Variants in TLR6 observed in about 807,000 individuals in gnomAD.
The protein encoded by TLR6 is toll-like receptor 6.
In TLR6, 9 loss-of-function variants were observed where a neutral mutation model predicts 16.1. The ratio of observed to expected loss-of-function variants is 0.56; its 90% CI spans 0.34 to 0.98. The LOEUF is 0.98. Among genes scored for constraint, TLR6 ranks in the 50% least tolerant of loss-of-function variants. The pLI, the probability that TLR6 is intolerant of heterozygous loss-of-function variation, is 0.02. For missense variants in TLR6, 786 were observed against 921.0 expected (o/e 0.85, Z 1.90); for synonymous variants, 340 against 338.6 (o/e 1.00, Z -0.04).
rs1294349185 is a variant in TLR6, at chr4:38,836,351, C to G, written c.-64-6814G>C. Among the ~76,000 whole-genome samples the G allele has an allele frequency of 2.0e-5, 3 of 151,994 alleles. No individual in the cohort carries two copies. In the East Asian group the frequency reaches 5.8e-4, roughly 29 times the overall value. ...GATCATTGGAGGCAATTATGAACACCTATATGTTAACAAATTGGAAACCCT... is the reference window on the plus strand; with the variant it reads ...GATCATTGGAGGCAATTATGAACACGTATATGTTAACAAATTGGAAACCCT... On this transcript the variant is annotated intron_variant, in intron 1 of 1. Coordinates refer to ENST00000436693, the Ensembl canonical transcript of TLR6.
exon 2 of TLR6, chr4:38,828,346 T>C: frequency 6.2e-7 from 1 of 1,613,150 alleles, no homozygotes; most frequent in Non-Finnish European, 8.5e-7. Context: ...CCAATTTAAC[T>C]AACGTGGAAC....
At chr4:38,859,591 G>A (rs140337935), upstream of TLR6, among the ~76,000 whole-genome samples, 35 of 129,518 alleles carry the variant, frequency 2.7e-4, no homozygotes, top group African/African-American at 1.0e-3. Flanking sequence ...TTGAGACAGG[G>A]TCTCGCTCTG....
intron 1 of TLR6, among the ~76,000 whole-genome samples, chr4:38,831,573 C>T (rs1711586079): frequency 6.6e-6 from 1 of 152,130 alleles, no homozygotes; most frequent in South Asian, 2.1e-4. Context: ...GTGAAAAAGA[C>T]AAACCACAGA....
chr4:38,858,833 A>AGAGAGAGAGAG (rs1713116154), upstream of TLR6, among the ~76,000 whole-genome samples: 1 of 17,662 alleles, frequency 5.7e-5, no homozygotes, highest in Non-Finnish European at 1.1e-4. Flanking sequence ...GAGAGAGAGG[A>AGAGAGAGAGAG]AGAAAGAAAG....
chr4:38,844,138 G>A (rs1712410872), intron 1 of TLR6, among the ~76,000 whole-genome samples: 2 of 152,144 alleles, frequency 1.3e-5, no homozygotes, highest in Admixed American at 6.5e-5. Context: ...GGTAAGAGCT[G>A]GACATGGGGC....
At chr4:38,834,229 A>G (rs1203876558) in intron 1 of TLR6, among the ~76,000 whole-genome samples, 1 of 150,564 alleles carries the variant, frequency 6.6e-6, no homozygotes, top group Non-Finnish European at 1.5e-5. Context: ...CAAGAGCAAA[A>G]CTCCAGCTCA....
At chr4:38,852,788 G>A (rs1712821139) in intron 1 of TLR6, among the ~76,000 whole-genome samples, 1 of 152,080 alleles carries the variant, frequency 6.6e-6, no homozygotes, top group African/African-American at 2.4e-5. Flanking sequence ...TGGTGGGACT[G>A]TAAACTAGTT....
At chr4:38,858,181 A>T (rs1296775999), upstream of TLR6, among the ~76,000 whole-genome samples, 1 of 151,820 alleles carries the variant, frequency 6.6e-6, no homozygotes, top group African/African-American at 2.4e-5. Context: ...GCAAACAAAG[A>T]AACAGACAGT....
chr4:38,852,549 C>T (rs1024376555), intron 1 of TLR6, among the ~76,000 whole-genome samples: 4 of 152,148 alleles, frequency 2.6e-5, no homozygotes, highest in Non-Finnish European at 5.9e-5. Context: ...AAATAAACAA[C>T]CCCATCAAAA....
the TLR6 span, among the ~76,000 whole-genome samples, chr4:38,867,253 G>T: frequency 6.6e-6 from 1 of 152,174 alleles, no homozygotes; most frequent in African/African-American, 2.4e-5. Flanking sequence ...ATACATATTT[G>T]CCCATTTGAC....
At chr4:38,852,980 C>T (rs1226609340) in intron 1 of TLR6, among the ~76,000 whole-genome samples, 1 of 151,866 alleles carries the variant, frequency 6.6e-6, no homozygotes, top group Non-Finnish European at 1.5e-5. Flanking sequence ...TGGAACCAAC[C>T]CAAATGTCCA....
chr4:38,833,287 G>C (rs1160650294), intron 1 of TLR6, among the ~76,000 whole-genome samples: 1 of 152,168 alleles, frequency 6.6e-6, no homozygotes, highest in Non-Finnish European at 1.5e-5. Flanking sequence ...TTTCACACAG[G>C]GGCCTGAGAA....
In TLR6 at chr4:38,828,868, A is replaced by G. The variant is rs763866465; in HGVS notation, c.606T>C (p.Val202=). Residue 202 remains valine (V), a synonymous_variant, in exon 2 of 2, where the codon GTT becomes GTC. Coordinates refer to ENST00000436693, the Ensembl canonical transcript of TLR6. Reference sequence around the variant, plus strand: ...TAGCGAATAAACTAGTTGGGTGAAAAACAAGGTGAAGGGTTTTTGCATTCA... The same window carrying G: ...TAGCGAATAAACTAGTTGGGTGAAAGACAAGGTGAAGGGTTTTTGCATTCA... The G allele has an allele frequency of 1.9e-6, 3 of 1,613,892 alleles. No homozygotes were observed. In the East Asian group the frequency reaches 6.7e-5, roughly 36 times the overall value.
intron 1 of TLR6, among the ~76,000 whole-genome samples, chr4:38,847,268 T>G (rs1039992849): frequency 6.6e-6 from 1 of 152,182 alleles, no homozygotes; most frequent in African/African-American, 2.4e-5. Context: ...GCATTCCTGT[T>G]AAAGTCAACA....
chr4:38,826,557 A>G (rs1236797176), exon 2 of TLR6: 1 of 152,792 alleles, frequency 6.5e-6, no homozygotes, highest in Non-Finnish European at 1.5e-5. Flanking sequence ...TTAATTACAT[A>G]TTTGTGTAGC....
chr4:38,830,767 G>A (rs1451385456), intron 1 of TLR6, among the ~76,000 whole-genome samples: 1 of 152,068 alleles, frequency 6.6e-6, no homozygotes, highest in Non-Finnish European at 1.5e-5. Flanking sequence ...GACAGAATTT[G>A]ATTTCTAGAG....
exon 2 of TLR6, chr4:38,827,108 G>A: frequency 6.3e-7 from 1 of 1,587,246 alleles, no homozygotes; most frequent in Non-Finnish European, 8.5e-7. Context: ...ATTGTTTTCA[G>A]TGACTAGTGT....
At chr4:38,856,107 C>A (rs1019256963) in intron 1 of TLR6, among the ~76,000 whole-genome samples, 6 of 152,120 alleles carry the variant, frequency 3.9e-5, no homozygotes, top group African/African-American at 1.4e-4. Flanking sequence ...GGTGGAAGGA[C>A]CTGGAGGAAG....
At chr4:38,865,876 C>G in the TLR6 span, among the ~76,000 whole-genome samples, 5 of 152,220 alleles carry the variant, frequency 3.3e-5, no homozygotes, top group African/African-American at 1.2e-4. Flanking sequence ...TGGTGGCTCA[C>G]GCCTGTAATC....
Sources: gnomAD v4.1 joint callset for allele counts (sites outside exome capture counted in the v4.1 genomes callset) on GRCh38, gnomAD v4.1.1 for gene constraint, MANE v1.5 for transcripts, NCBI Gene and HGNC (gene_info 2026-07-23, HGNC 2026-07-21) for gene names.